Variants in PSD3 observed in about 807,000 individuals in gnomAD.
The protein encoded by PSD3 is pleckstrin and Sec7 domain containing 3, also known as PH and SEC7 domain-containing protein 3.
Under a neutral mutation model 105.5 loss-of-function variants are expected in PSD3, and 49 were observed. That is an observed-to-expected ratio of 0.46 (90% CI 0.37 to 0.59). The LOEUF is 0.59. Ranked by LOEUF, PSD3 falls within the 20% of genes least tolerant of loss-of-function variation. PSD3 has a pLI of 0.00. For missense variants in PSD3, 1,561 were observed against 1,263.8 expected (o/e 1.24, Z -3.57); for synonymous variants, 557 against 457.8 (o/e 1.22, Z -2.77).
intron 11 of PSD3, among the ~76,000 whole-genome samples, chr8:18,611,972 A>G (rs527872868): frequency 6.6e-6 from 1 of 152,228 alleles, no homozygotes; most frequent in South Asian, 2.1e-4. Context: ...CCTTTCTCAC[A>G]CAAAGACTTG....
In PSD3 at chr8:18,616,079, G is replaced by A. The variant is rs572065599; in HGVS notation, c.2411-15645C>T. On this transcript the variant is annotated intron_variant, in intron 11 of 15. Coordinates refer to ENST00000327040, the MANE Select transcript of PSD3 (RefSeq NM_015310.4). ...AGCTCCAAAAGTGACTTCAAGCTTT[G>A]CCTACTGATAGGTGTTCCTGGCCCT... Among the ~76,000 whole-genome samples, 168 of 152,318 alleles carry A rather than the reference G, an allele frequency of 1.1e-3. 2 individuals are homozygous for A. The highest frequency in any genetic ancestry group is 3.6e-3 in the African/African-American group (149 of 41,580).
intron 1 of PSD3, among the ~76,000 whole-genome samples, chr8:18,951,165 T>C (rs1823213628): frequency 1.3e-5 from 2 of 151,230 alleles, no homozygotes; most frequent in African/African-American, 4.9e-5. Context: ...GAGGCCGTGG[T>C]GGGAAGGTTG....
intron 9 of PSD3, among the ~76,000 whole-genome samples, chr8:18,738,030 G>A (rs900932384): frequency 6.6e-6 from 1 of 152,150 alleles, no homozygotes; most frequent in Non-Finnish European, 1.5e-5. Context: ...GATTTTAAAA[G>A]TCTTAATCAG....
At chr8:18,844,401 G>A (rs1814908528) in intron 4 of PSD3, among the ~76,000 whole-genome samples, 2 of 152,050 alleles carry the variant, frequency 1.3e-5, no homozygotes, top group Admixed American at 6.6e-5. Context: ...CTCTAATAAT[G>A]AGTCCTAGGA....
At chr8:19,051,055 C>T (rs1405537511) in intron 1 of PSD3, among the ~76,000 whole-genome samples, 1 of 152,130 alleles carries the variant, frequency 6.6e-6, no homozygotes, top group Non-Finnish European at 1.5e-5. Context: ...TTCCAACATC[C>T]TCAGAGTCTA....
At chr8:19,024,760 T>C (rs1028366046) in intron 1 of PSD3, among the ~76,000 whole-genome samples, 2 of 152,086 alleles carry the variant, frequency 1.3e-5, no homozygotes, top group African/African-American at 4.8e-5. Flanking sequence ...GGGAGACTTA[T>C]GAGCTTAGGA....
intron 9 of PSD3, among the ~76,000 whole-genome samples, chr8:18,677,539 T>C (rs749437878): frequency 1.3e-5 from 2 of 152,066 alleles, no homozygotes; most frequent in Non-Finnish European, 2.9e-5. Flanking sequence ...AGCAATATTG[T>C]GTAAGGAGTG....
intron 1 of PSD3, among the ~76,000 whole-genome samples, chr8:19,037,063 C>T (rs964285453): frequency 6.6e-6 from 1 of 152,204 alleles, no homozygotes; most frequent in Non-Finnish European, 1.5e-5. Flanking sequence ...CATGTGACTG[C>T]CAAAGGACTC....
chr8:18,831,931 G>GT (rs1439668167), intron 4 of PSD3, among the ~76,000 whole-genome samples: 3 of 152,052 alleles, frequency 2.0e-5, no homozygotes, highest in Admixed American at 2.0e-4. Flanking sequence ...GGGAAGAAAG[G>GT]TAAGTTTACT....
At chr8:18,934,121 A>G (rs778364235) in intron 2 of PSD3, among the ~76,000 whole-genome samples, 1 of 152,200 alleles carries the variant, frequency 6.6e-6, no homozygotes, top group Non-Finnish European at 1.5e-5. Context: ...CCTTCTTGGT[A>G]TCCTCAAATA....
chr8:18,920,398 A>T (rs7822016), intron 2 of PSD3, among the ~76,000 whole-genome samples: 77,900 of 152,022 alleles, frequency 0.51, 20,146 homozygotes, highest in Middle Eastern at 0.59. Flanking sequence ...ACTTGCTTGT[A>T]CCTAAAGGAG....
chr8:18,582,849 A>C (rs1453900974), intron 12 of PSD3, among the ~76,000 whole-genome samples: 1 of 126,248 alleles, frequency 7.9e-6, no homozygotes. Flanking sequence ...TTTTTGAGAC[A>C]GAGTCTCGCT....
At position 18,900,643 on chromosome 8, in the gene PSD3, CTT is replaced by C. The variant is rs34004085; in HGVS notation, c.131-27912_131-27911del. 3.0e-3 allele frequency among the ~76,000 whole-genome samples: 248 copies of C among 83,992 alleles called. 1 individual carries two copies. Among genetic ancestry groups the C allele is most frequent in the Admixed American group, 5.6e-3 (36 of 6,446 alleles). 55.1% of individuals were successfully genotyped at this position (83,992 alleles called of 152,430 possible). ...TACACAAAAACCATGAGAGACAACT[CTT>C]TTTTTTTTTTTTTTTTTTTTTGGGA... is the stretch of plus-strand genomic sequence containing the variant. On this transcript the variant is annotated intron_variant, in intron 2 of 15. Coordinates refer to ENST00000327040, the MANE Select transcript of PSD3 (RefSeq NM_015310.4).
chr8:18,577,129 T>C (rs1012327094), intron 12 of PSD3, among the ~76,000 whole-genome samples: 1 of 151,992 alleles, frequency 6.6e-6, no homozygotes. Context: ...CATTGCTTTC[T>C]AGATAGTTTG....
chr8:19,039,068 C>A (rs1486935649), intron 1 of PSD3, among the ~76,000 whole-genome samples: 1 of 152,188 alleles, frequency 6.6e-6, no homozygotes, highest in African/African-American at 2.4e-5. Context: ...TTTAACTCCA[C>A]ACTGCTGAAA....
chr8:19,026,972 A>T (rs1287195875), intron 1 of PSD3, among the ~76,000 whole-genome samples: 1 of 152,168 alleles, frequency 6.6e-6, no homozygotes, highest in Non-Finnish European at 1.5e-5. Flanking sequence ...TTGGGCAAGA[A>T]TAGTATGTTG....
Position 18,600,450 on chromosome 8 carries a change from A to C in PSD3, c.2411-16T>G, listed in dbSNP as rs1466195917. On this transcript the variant is annotated splice_polypyrimidine_tract_variant and intron_variant, in intron 11 of 15. Coordinates refer to ENST00000327040, the MANE Select transcript of PSD3 (RefSeq NM_015310.4). ...CCTCTTGGAGCTAGAAAGGGGGAAAAAATGTAAAATTTTATTTGACATCAG... is the reference window on the plus strand; with the variant it reads ...CCTCTTGGAGCTAGAAAGGGGGAAACAATGTAAAATTTTATTTGACATCAG... The C allele has an allele frequency of 1.3e-6, 2 of 1,566,484 alleles. No individual in the cohort carries two copies. The highest frequency in any genetic ancestry group is 2.8e-5 in the African/African-American group (2 of 72,708).
chr8:18,919,722 T>C (rs1482615659), intron 2 of PSD3, among the ~76,000 whole-genome samples: 2 of 151,752 alleles, frequency 1.3e-5, no homozygotes, highest in Non-Finnish European at 2.9e-5. Flanking sequence ...AAATTGGAAA[T>C]CATCATTCTC....
intron 9 of PSD3, among the ~76,000 whole-genome samples, chr8:18,666,747 G>A (rs1008692389): frequency 1.3e-5 from 2 of 151,530 alleles, no homozygotes; most frequent in Admixed American, 1.3e-4. Context: ...GAAGTAGCTG[G>A]AAGCACACAT....
Sources: allele counts gnomAD v4.1 joint callset (sites outside exome capture counted in the v4.1 genomes callset), GRCh38; gene constraint gnomAD v4.1.1; transcripts MANE v1.5; gene names NCBI Gene and HGNC (gene_info 2026-07-23, HGNC 2026-07-21).